The following KCTD19 variants were observed in gnomAD, a reference collection of about 807,000 sequenced individuals.
KCTD19 encodes potassium channel tetramerization domain containing 19.
A neutral mutation model predicts 103.5 loss-of-function variants in KCTD19; 67 were observed. The observed-to-expected ratio is 0.65, with a 90% CI of 0.53 to 0.79. KCTD19 has a LOEUF of 0.79. KCTD19 is among the 30% of genes least tolerant of loss of function. The pLI, the probability that KCTD19 is intolerant of heterozygous loss-of-function variation, is 0.00. For missense variants in KCTD19, 980 were observed against 1,136.1 expected (o/e 0.86, Z 1.98); for synonymous variants, 439 against 452.2 (o/e 0.97, Z 0.37).
At chr16:67,309,377 G>T (rs143468359) in intron 2 of KCTD19, among the ~76,000 whole-genome samples, 1,926 of 152,280 alleles carry the variant, frequency 0.013, 48 homozygotes, top group African/African-American at 0.044. Context: ...GGGATTCCAC[G>T]TTGGGATCTG....
rs140055132 is a variant in KCTD19 at position 67,312,410 on chromosome 16, C to T, written c.301-7839G>A. Among the ~76,000 whole-genome samples, 888 of 152,272 alleles carry T rather than the reference C, an allele frequency of 5.8e-3. 14 individuals carry two copies. Among genetic ancestry groups the T allele is most frequent in the African/African-American group, 0.02 (848 of 41,548 alleles). ...GGCCCTGTGATATTAATGTGTGGACCTGTAATGACTACTTTGTATTTCCCC... is the reference window on the plus strand; with the variant it reads ...GGCCCTGTGATATTAATGTGTGGACTTGTAATGACTACTTTGTATTTCCCC... On this transcript the variant is annotated intron_variant, in intron 2 of 15. Coordinates refer to ENST00000304372, the MANE Select transcript of KCTD19 (RefSeq NM_001100915.3).
chr16:67,298,001 T>C (rs530324513), intron 6 of KCTD19, among the ~76,000 whole-genome samples: 162 of 145,250 alleles, frequency 1.1e-3, no homozygotes, highest in Non-Finnish European at 1.9e-3. Context: ...TTTTTTTTTT[T>C]TTCTTTTTTT....
Position 67,295,012 on chromosome 16 carries a change from G to A in KCTD19, c.1436C>T (p.Pro479Leu), listed in dbSNP as rs773358045. ...FCQEVEEYHI[P>L]SLSEALAQCE... The stretch of plus-strand genomic sequence containing the variant: ...TTGTGCAAGGGCTTCTGAGAGGGAT[G>A]GAATGTGGTATTCCTCCACCTCCTG... Residue 479 changes from proline (P) to leucine (L), a missense_variant, in exon 10 of 16, where the codon CCA becomes CTA. Coordinates refer to ENST00000304372, the MANE Select transcript of KCTD19 (RefSeq NM_001100915.3). 14 of 1,613,828 alleles carry A rather than the reference G, an allele frequency of 8.7e-6. No homozygotes were observed. The highest frequency in any genetic ancestry group is 1.6e-4 in the Middle Eastern group (1 of 6,084).
Position 67,303,119 on chromosome 16 carries a change from C to T in KCTD19, c.643+27G>A. 2.1e-6 allele frequency: 1 copy of T among 486,820 alleles called. No homozygotes were observed. The highest frequency in any genetic ancestry group is 7.3e-5 in the East Asian group (1 of 13,724). The allele number at this position is 486,820 out of a possible 1,614,324, so 30.2% of individuals were successfully genotyped here. A position where few individuals can be genotyped will look rare whatever the true frequency, so the allele number is the denominator to read the frequency against. On this transcript the variant is annotated intron_variant, in intron 4 of 15. Transcript: ENST00000304372. This position sits in a 1 kb window ranked among gnomAD's most constrained non-coding sequence, Gnocchi z 4.3. ...TGAATGGGCCCTATCAGCCCGCCCCCCACCCCACCCCGGACAGAGCAATCA... is the reference window on the plus strand; with the variant it reads ...TGAATGGGCCCTATCAGCCCGCCCCTCACCCCACCCCGGACAGAGCAATCA...
intron 12 of KCTD19, among the ~76,000 whole-genome samples, chr16:67,292,514 GC>G (rs764431091): frequency 6.6e-6 from 1 of 152,328 alleles, no homozygotes; most frequent in Middle Eastern, 3.4e-3. Flanking sequence ...TTTGGGGCCA[GC>G]CTTTGATGCA....
intron 2 of KCTD19, chr16:67,305,630 C>G (rs1175526340): frequency 2.0e-5 from 9 of 455,430 alleles, no homozygotes; most frequent in Non-Finnish European, 3.5e-5. Context: ...GGCAGATTAT[C>G]ATAACATCAG....
chr16:67,323,060 G>A lies in KCTD19; in HGVS notation c.4-2175C>T, dbSNP rs2037093222. On this transcript the variant is annotated intron_variant, in intron 1 of 15. Transcript: ENST00000304372. The surrounding 1 kb of genome is among the most constrained non-coding windows in gnomAD (Gnocchi z 4.1). Reference sequence around the variant, plus strand: ...CAATGAAAACAATAGGTAATAACAAGTGTCGACAAAGAAACCAGAACCCCC... The same window carrying A: ...CAATGAAAACAATAGGTAATAACAAATGTCGACAAAGAAACCAGAACCCCC... 6.6e-6 allele frequency among the ~76,000 whole-genome samples: 1 copy of A among 152,150 alleles called. No homozygotes were observed. The highest frequency in any genetic ancestry group is 2.4e-5 in the African/African-American group (1 of 41,438).
In KCTD19 at chr16:67,320,944, T is replaced by C; in HGVS notation, c.4-59A>G. ...AAAAAGAAATAAAAAGGCATCCAGA[T>C]TGAAAAGGTAGAAATAAACTATCTC... is the stretch of plus-strand genomic sequence containing the variant. On this transcript the variant is annotated intron_variant, in intron 1 of 15. Coordinates refer to ENST00000304372, the MANE Select transcript of KCTD19 (RefSeq NM_001100915.3). This position sits in a 1 kb window ranked among gnomAD's most constrained non-coding sequence, Gnocchi z 4.0. 7.0e-7 allele frequency: 1 copy of C among 1,428,656 alleles called. No homozygotes were observed. The highest frequency in any genetic ancestry group is 9.5e-7 in the Non-Finnish European group (1 of 1,053,046). The allele number at this position is 1,428,656 out of a possible 1,614,324, so 88.5% of individuals were successfully genotyped here. A position where few individuals can be genotyped will look rare whatever the true frequency, so the allele number is the denominator to read the frequency against.
Position 67,293,911 on chromosome 16 carries a change from G to A in KCTD19, c.1851C>T (p.Asn617=). The A allele has an allele frequency of 2.5e-6, 4 of 1,614,174 alleles. No individual in the cohort carries two copies. Among genetic ancestry groups the A allele is most frequent in the Non-Finnish European group, 3.4e-6 (4 of 1,180,038 alleles). The change falls in exon 12 of 16, where the codon AAC becomes AAT. Residue 617 remains asparagine, a synonymous_variant. Coordinates refer to ENST00000304372, the MANE Select transcript of KCTD19 (RefSeq NM_001100915.3). The surrounding 1 kb of genome is among the most constrained non-coding windows in gnomAD (Gnocchi z 4.0). ...CTTTGGTTTCAGATTTCTGTGTGAG[G>A]TTGATTGTGGTGCATTTCTTCTTTG... The part of the protein sequence containing the change: ...SPPKKKCTTI[N]LTQKSETKDP...
chr16:67,308,490 C>T (rs1345475384), intron 2 of KCTD19, among the ~76,000 whole-genome samples: 6 of 152,016 alleles, frequency 3.9e-5, no homozygotes, highest in Non-Finnish European at 5.9e-5. Context: ...GCCTCATTTC[C>T]CATCATTCTT....
chr16:67,318,485 A>G (rs905366519), intron 2 of KCTD19, among the ~76,000 whole-genome samples: 4 of 149,858 alleles, frequency 2.7e-5, no homozygotes, highest in African/African-American at 9.9e-5. Context: ...GCTTGAACTC[A>G]GGAGGTGGAG....
chr16:67,310,709 C>T (rs761953425), intron 2 of KCTD19, among the ~76,000 whole-genome samples: 6 of 152,162 alleles, frequency 3.9e-5, no homozygotes, highest in East Asian at 3.8e-4. Context: ...CTGACAAATG[C>T]GCCCTGATGG....
In KCTD19 at chr16:67,293,884, G is replaced by A. The variant is rs1567447242; in HGVS notation, c.1878C>T (p.Asp626=). The part of the protein sequence containing the change: ...INLTQKSETK[D]PPATPMQKLI... ...GTTTTTGCATGGGAGTGGCGGGAGG[G>A]TCTTTGGTTTCAGATTTCTGTGTGA... Residue 626 remains aspartate, a synonymous_variant, in exon 12 of 16, where the codon GAC becomes GAT. Transcript: ENST00000304372. The surrounding 1 kb of genome is among the most constrained non-coding windows in gnomAD (Gnocchi z 4.0). 1 of 1,613,406 alleles carries A rather than the reference G, an allele frequency of 6.2e-7. No homozygotes were observed. The highest frequency in any genetic ancestry group is 2.2e-5 in the East Asian group (1 of 44,834).
In KCTD19 at chr16:67,299,672, A is replaced by C. The variant is rs574866614; in HGVS notation, c.776-99T>G. 1.2e-4 allele frequency: 107 copies of C among 922,410 alleles called. No individual in the cohort carries two copies. The African/African-American group carries it at 1.4e-3, about 12-fold the overall frequency. 57.1% of individuals were successfully genotyped at this position (922,410 alleles called of 1,614,324 possible). A position where few individuals can be genotyped will look rare whatever the true frequency, so the allele number is the denominator to read the frequency against. On this transcript the variant is annotated intron_variant, in intron 5 of 15. Transcript: ENST00000304372. Reference sequence around the variant, plus strand: ...TCCTACTGCTGCCTCCATTGTACCGAGGAGGCTCAGAGGAAGGATATTTCT... The same window carrying C: ...TCCTACTGCTGCCTCCATTGTACCGCGGAGGCTCAGAGGAAGGATATTTCT...
chr16:67,303,485 T>C lies in KCTD19; in HGVS notation c.452-148A>G, dbSNP rs1382433067. ...TGCCACTTGCCAGACACATCTTCCT[T>C]CTTTATCTTTTCAGTTGTAGCCCTA... On this transcript the variant is annotated intron_variant, in intron 3 of 15. Transcript: ENST00000304372. This position sits in a 1 kb window ranked among gnomAD's most constrained non-coding sequence, Gnocchi z 4.3. The C allele has an allele frequency of 6.7e-6, 4 of 597,540 alleles. No homozygotes were observed. Among genetic ancestry groups the C allele is most frequent in the South Asian group, 4.6e-5 (2 of 43,200 alleles). The allele number at this position is 597,540 out of a possible 1,614,324, so 37.0% of individuals were successfully genotyped here.
intron 2 of KCTD19, among the ~76,000 whole-genome samples, chr16:67,319,480 T>C (rs2037048889): frequency 6.6e-6 from 1 of 152,042 alleles, no homozygotes; most frequent in African/African-American, 2.4e-5. Context: ...GTACAGATGG[T>C]AGGATTAATA....
intron 6 of KCTD19, among the ~76,000 whole-genome samples, chr16:67,297,945 C>A (rs957224542): frequency 1.3e-5 from 2 of 151,978 alleles, no homozygotes; most frequent in Admixed American, 1.3e-4. Context: ...CACCCGCCAC[C>A]ACGCCTGGCT....
intron 2 of KCTD19, among the ~76,000 whole-genome samples, chr16:67,315,709 C>T (rs1352168732): frequency 5.9e-5 from 9 of 151,696 alleles, no homozygotes; most frequent in African/African-American, 7.3e-5. Flanking sequence ...CTCAAACTCC[C>T]GACCTCGTGA....
At chr16:67,325,503 A>G (rs1356188786) in intron 1 of KCTD19, among the ~76,000 whole-genome samples, 1 of 151,878 alleles carries the variant, frequency 6.6e-6, no homozygotes, top group African/African-American at 2.4e-5. Flanking sequence ...CGGCCTCCCA[A>G]AGTGCTGGGA....
Sources: gnomAD v4.1 joint callset for allele counts (sites outside exome capture counted in the v4.1 genomes callset) on GRCh38, gnomAD v4.1.1 for gene constraint, Gnocchi (gnomAD v3.1) non-coding constraint, MANE v1.5 for transcripts, NCBI Gene and HGNC (gene_info 2026-07-23, HGNC 2026-07-21) for gene names.